Variants in SFXN5 observed in about 807,000 individuals in gnomAD.
The protein encoded by SFXN5 is sideroflexin 5, also known as sideroflexin-5.
In SFXN5, 43 loss-of-function variants were observed where a neutral mutation model predicts 50.2. The ratio of observed to expected loss-of-function variants is 0.86; its 90% CI spans 0.67 to 1.11. The LOEUF is 1.11. Among genes scored for constraint, SFXN5 ranks in the 50% least tolerant of loss-of-function variants. The pLI is 0.00. For synonymous variants in SFXN5, 203 were observed against 185.8 expected, an observed-to-expected ratio of 1.09 and a Z score of -0.75; for missense variants, 463 against 454.1, an observed-to-expected ratio of 1.02 and a Z score of -0.18.
chr2:73,011,234 T>C (rs1675458998), intron 6 of SFXN5, among the ~76,000 whole-genome samples: 1 of 152,128 alleles, frequency 6.6e-6, no homozygotes, highest in Non-Finnish European at 1.5e-5. Context: ...TTAAACTTTT[T>C]TGTAGAGATG....
chr2:73,015,547 T>C (rs1280661677), intron 6 of SFXN5, among the ~76,000 whole-genome samples: 1 of 152,108 alleles, frequency 6.6e-6, no homozygotes, highest in Non-Finnish European at 1.5e-5. Context: ...CTCAAACTCC[T>C]GGGCTCAAGC....
chr2:73,032,352 C>T (rs1044851119), intron 3 of SFXN5, among the ~76,000 whole-genome samples: 2 of 152,256 alleles, frequency 1.3e-5, no homozygotes, highest in African/African-American at 2.4e-5. Context: ...TCCCTTGGGA[C>T]TTACTGGCTC....
At chr2:72,991,832 T>C (rs1326030523) in intron 9 of SFXN5, among the ~76,000 whole-genome samples, 2 of 152,128 alleles carry the variant, frequency 1.3e-5, no homozygotes, top group African/African-American at 4.8e-5. Context: ...AAACAGCAGC[T>C]AGCGATCAGA....
rs7600195 is a variant in SFXN5 at position 72,987,554 on chromosome 2, G to A, written c.625+704C>T. Among the ~76,000 whole-genome samples the A allele has an allele frequency of 5.4e-3, 818 of 151,122 alleles. 5 individuals carry two copies. Among genetic ancestry groups the A allele is most frequent in the Non-Finnish European group, 9.7e-3 (659 of 67,808 alleles). ...AGGTGGATCATGAGGTTAGGAGTTC[G>A]AGACCAGCCTGGCCAACATGGTGAA... On this transcript the variant is annotated intron_variant, in intron 10 of 13. Coordinates refer to ENST00000272433, the MANE Select transcript of SFXN5 (RefSeq NM_144579.3).
chr2:73,000,585 G>T, intron 7 of SFXN5, 98 bp from the exon 8 acceptor site: 1 of 1,165,278 alleles, frequency 8.6e-7, no homozygotes, highest in Non-Finnish European at 1.2e-6. Context: ...GAAAGGCACA[G>T]CATGCGGTCT....
intron 13 of SFXN5, among the ~76,000 whole-genome samples, chr2:72,959,353 G>C (rs1484524057): frequency 6.6e-6 from 1 of 151,766 alleles, no homozygotes; most frequent in Non-Finnish European, 1.5e-5. Context: ...CAAAACCCCA[G>C]AAGAAAGGAT....
chr2:73,003,450 TC>T (rs1674194288), intron 6 of SFXN5, among the ~76,000 whole-genome samples: 1 of 152,186 alleles, frequency 6.6e-6, no homozygotes, highest in African/African-American at 2.4e-5. Context: ...ACCACAGGGT[TC>T]CCTTTATAAT....
At chr2:73,007,617 CCA>C (rs1293636533) in intron 6 of SFXN5, among the ~76,000 whole-genome samples, 1 of 152,120 alleles carries the variant, frequency 6.6e-6, no homozygotes, top group Non-Finnish European at 1.5e-5. Context: ...TGAGGCCCCT[CCA>C]CGCTGCCTCC....
intron 2 of SFXN5, among the ~76,000 whole-genome samples, chr2:73,046,526 C>T (rs1680349611): frequency 6.6e-6 from 1 of 151,800 alleles, no homozygotes; most frequent in Non-Finnish European, 1.5e-5. Flanking sequence ...TGCCACAAAA[C>T]TTGATTTTTA....
intron 2 of SFXN5, chr2:73,048,950 G>A (rs1242262537): frequency 6.6e-6 from 1 of 152,158 alleles, no homozygotes; most frequent in South Asian, 2.1e-4. Flanking sequence ...TCCCAAAAAC[G>A]TTTTACTCTT....
intron 2 of SFXN5, among the ~76,000 whole-genome samples, chr2:73,041,165 T>C (rs1049581538): frequency 2.0e-5 from 3 of 152,226 alleles, no homozygotes; most frequent in Non-Finnish European, 4.4e-5. Flanking sequence ...CCAAGATATT[T>C]TGTTGAGTGA....
chr2:72,945,282 C>G lies in SFXN5; in HGVS notation c.946-183G>C, dbSNP rs1671812229. On this transcript the variant is annotated intron_variant, in intron 13 of 13. Coordinates refer to ENST00000272433, the MANE Select transcript of SFXN5 (RefSeq NM_144579.3). The surrounding 1 kb of genome is among the most constrained non-coding windows in gnomAD (Gnocchi z 5.8). ...TCTTCCTTCTCCACCGCCCTCCCGC[C>G]GCGGGGCTCACAGCATCCCTTCCAG... Among the ~76,000 whole-genome samples the G allele has an allele frequency of 6.6e-6, 1 of 152,120 alleles. No individual in the cohort carries two copies. Among genetic ancestry groups the G allele is most frequent in the Admixed American group, 6.5e-5 (1 of 15,280 alleles).
intron 10 of SFXN5, among the ~76,000 whole-genome samples, chr2:72,984,276 G>A (rs1671639349): frequency 6.6e-6 from 1 of 152,224 alleles, no homozygotes; most frequent in Non-Finnish European, 1.5e-5. Context: ...GAGAGAAATG[G>A]CTGCAGTGAG....
rs574012180 is a variant in SFXN5, at chr2:73,008,012, C to T, written c.358-6434G>A. ...AATGCTGGAGGAAGGCCAGGGAGAA[C>T]ATTGGGATTGGGATTTAAATGTGCA... On this transcript the variant is annotated intron_variant, in intron 6 of 13. Coordinates refer to ENST00000272433, the MANE Select transcript of SFXN5 (RefSeq NM_144579.3). 2.5e-4 allele frequency among the ~76,000 whole-genome samples: 38 copies of T among 152,222 alleles called. No individual in the cohort carries two copies. The South Asian group carries it at 7.9e-3, about 32-fold the overall frequency.
intron 1 of SFXN5, among the ~76,000 whole-genome samples, chr2:73,060,669 C>A (rs762136983): frequency 2.0e-4 from 30 of 151,196 alleles, no homozygotes; most frequent in Non-Finnish European, 4.0e-4. Context: ...AATATAATTA[C>A]TACACTGCGG....
intron 6 of SFXN5, among the ~76,000 whole-genome samples, chr2:73,002,031 G>A (rs1673982218): frequency 6.6e-6 from 1 of 152,168 alleles, no homozygotes; most frequent in South Asian, 2.1e-4. Flanking sequence ...CAGGTTACCT[G>A]ACTGCTCACC....
At chr2:72,986,404 A>G (rs979585831) in intron 10 of SFXN5, among the ~76,000 whole-genome samples, 4 of 152,158 alleles carry the variant, frequency 2.6e-5, no homozygotes, top group Non-Finnish European at 5.9e-5. Context: ...GGCTGTAGGA[A>G]GGTGGGTACT....
intron 10 of SFXN5, among the ~76,000 whole-genome samples, chr2:72,981,999 G>GCA (rs1671366489): frequency 6.7e-6 from 1 of 150,366 alleles, no homozygotes; most frequent in Non-Finnish European, 1.5e-5. Flanking sequence ...GTGTGTGTGC[G>GCA]TGCCATTTTG....
chr2:73,025,453 T>C (rs981424476), intron 3 of SFXN5, among the ~76,000 whole-genome samples: 16 of 152,212 alleles, frequency 1.1e-4, no homozygotes, highest in Admixed American at 3.3e-4. Flanking sequence ...AGGAATATCA[T>C]CTTCTAAAAC....
Sources: allele counts gnomAD v4.1 joint callset (sites outside exome capture counted in the v4.1 genomes callset), GRCh38; gene constraint gnomAD v4.1.1; non-coding constraint Gnocchi (gnomAD v3.1); transcripts MANE v1.5; gene names NCBI Gene and HGNC (gene_info 2026-07-23, HGNC 2026-07-21).